The following CPQ variants were observed in gnomAD, a reference collection of about 807,000 sequenced individuals.
The protein encoded by CPQ is carboxypeptidase Q.
CPQ carries 37 observed loss-of-function variants against 45.7 expected under a neutral mutation model. The observed-to-expected ratio is 0.81, with a 90% CI of 0.62 to 1.07. The LOEUF (loss-of-function observed/expected upper bound fraction) is 1.07. Ranked by LOEUF, CPQ falls within the 50% of genes least tolerant of loss-of-function variation. The pLI, the probability that CPQ is intolerant of heterozygous loss-of-function variation, is 0.00. For missense variants in CPQ, 537 were observed against 572.9 expected, an observed-to-expected ratio of 0.94 and a Z score of 0.64; for synonymous variants, 186 against 205.8, an observed-to-expected ratio of 0.90 and a Z score of 0.82.
intron 7 of CPQ, among the ~76,000 whole-genome samples, chr8:97,121,132 T>G (rs1400475868): frequency 6.6e-6 from 1 of 152,232 alleles, no homozygotes; most frequent in Non-Finnish European, 1.5e-5. Context: ...AGTGCTGTAT[T>G]GACAAGTAAA....
At chr8:96,679,691 T>C (rs1249161887) in intron 1 of CPQ, among the ~76,000 whole-genome samples, 1 of 152,068 alleles carries the variant, frequency 6.6e-6, no homozygotes, top group Non-Finnish European at 1.5e-5. Context: ...GTTTTTCCAT[T>C]TGTTAAAATA....
chr8:96,964,015 G>GGAAATT (rs1813508724), intron 4 of CPQ, among the ~76,000 whole-genome samples: 3 of 150,460 alleles, frequency 2.0e-5, no homozygotes, highest in Middle Eastern at 3.4e-3. Flanking sequence ...CTATATTATT[G>GGAAATT]CTATGGAGTG....
chr8:96,878,696 G>T (rs142403804), intron 3 of CPQ, among the ~76,000 whole-genome samples: 1 of 152,304 alleles, frequency 6.6e-6, no homozygotes, highest in East Asian at 1.9e-4. Context: ...ATGCATCATT[G>T]TGTTTGTGCA....
intron 7 of CPQ, among the ~76,000 whole-genome samples, chr8:97,140,038 TAATC>T (rs1474477987): frequency 6.6e-5 from 10 of 151,014 alleles, no homozygotes; most frequent in African/African-American, 1.7e-4. Context: ...AAGACACTGA[TAATC>T]AACATCAAGA....
chr8:96,785,184 A>T lies in CPQ; in HGVS notation c.287A>T (p.Gln96Leu). ...KAIQIMYQNL[Q>L]QDGLEKVHLE... Reference sequence around the variant, plus strand: ...ATCCAAATTATGTACCAAAACCTGCAGCAAGATGGGCTGGAGAAAGTTCAC... The same window carrying T: ...ATCCAAATTATGTACCAAAACCTGCTGCAAGATGGGCTGGAGAAAGTTCAC... Residue 96 changes from glutamine to leucine, a missense_variant, in exon 2 of 8, where the codon CAG becomes CTG. Transcript: ENST00000220763. The T allele has an allele frequency of 6.2e-7, 1 of 1,613,684 alleles. No homozygotes were observed. Among genetic ancestry groups the T allele is most frequent in the Non-Finnish European group, 8.5e-7 (1 of 1,179,792 alleles).
chr8:96,782,864 T>G (rs1318941455), intron 1 of CPQ, among the ~76,000 whole-genome samples: 2 of 152,208 alleles, frequency 1.3e-5, no homozygotes, highest in Admixed American at 6.5e-5. Flanking sequence ...CCCTCAGGCA[T>G]GGACACACTT....
intron 6 of CPQ, among the ~76,000 whole-genome samples, chr8:97,034,782 T>C (rs1034073817): frequency 2.0e-5 from 3 of 152,196 alleles, no homozygotes; most frequent in Admixed American, 2.0e-4. Flanking sequence ...TTAAACTTCA[T>C]ATAAATGGAA....
At chr8:96,837,806 A>G (rs1406623830) in intron 3 of CPQ, among the ~76,000 whole-genome samples, 1 of 152,042 alleles carries the variant, frequency 6.6e-6, no homozygotes, top group African/African-American at 2.4e-5. Flanking sequence ...TCATCTTCTA[A>G]GTCACATGGT....
chr8:96,870,509 A>AT, intron 3 of CPQ, among the ~76,000 whole-genome samples: 1 of 152,102 alleles, frequency 6.6e-6, no homozygotes, highest in South Asian at 2.1e-4. Context: ...GATAGATTCT[A>AT]TAGAGGTTAA....
intron 4 of CPQ, among the ~76,000 whole-genome samples, chr8:96,957,812 A>G (rs565317286): frequency 6.6e-6 from 1 of 151,796 alleles, no homozygotes; most frequent in East Asian, 1.9e-4. Context: ...AAAACAAAAA[A>G]AAAAAAGTCT....
chr8:96,822,647 A>T (rs944625864), intron 2 of CPQ, among the ~76,000 whole-genome samples: 2 of 151,862 alleles, frequency 1.3e-5, no homozygotes, highest in African/African-American at 4.8e-5. Flanking sequence ...CCTTTTTGTC[A>T]GATTTTGTCT....
chr8:96,716,058 A>G (rs1489340665), intron 1 of CPQ, among the ~76,000 whole-genome samples: 3 of 152,222 alleles, frequency 2.0e-5, no homozygotes, highest in Non-Finnish European at 4.4e-5. Context: ...TGGCTGTAGT[A>G]GTAATGAACT....
chr8:96,888,426 A>G (rs1812330899), intron 4 of CPQ, among the ~76,000 whole-genome samples: 1 of 152,194 alleles, frequency 6.6e-6, no homozygotes, highest in South Asian at 2.1e-4. Context: ...ATACTGAAAG[A>G]TGAAAAAAAA....
chr8:97,097,521 AG>A (rs1012295549), intron 7 of CPQ, among the ~76,000 whole-genome samples: 1 of 152,216 alleles, frequency 6.6e-6, no homozygotes, highest in African/African-American at 2.4e-5. Flanking sequence ...AGAAGCTTAA[AG>A]GTCCCTATAA....
intron 2 of CPQ, among the ~76,000 whole-genome samples, chr8:96,794,519 C>A (rs1446062598): frequency 6.6e-6 from 1 of 152,232 alleles, no homozygotes; most frequent in Non-Finnish European, 1.5e-5. Flanking sequence ...AGACCTCTGA[C>A]ATGCCCTGGA....
At chr8:97,137,726 G>A (rs1812086157) in intron 7 of CPQ, among the ~76,000 whole-genome samples, 1 of 152,166 alleles carries the variant, frequency 6.6e-6, no homozygotes, top group Non-Finnish European at 1.5e-5. Flanking sequence ...TCAGGAAATC[G>A]AGACCATCGT....
intron 5 of CPQ, among the ~76,000 whole-genome samples, chr8:96,982,326 A>G (rs183957681): frequency 8.3e-4 from 127 of 152,278 alleles, no homozygotes; most frequent in African/African-American, 2.9e-3. Context: ...AGTAGAGTCA[A>G]ATAAGATTTC....
At chr8:97,070,873 G>A (rs1810728895) in intron 7 of CPQ, among the ~76,000 whole-genome samples, 1 of 152,144 alleles carries the variant, frequency 6.6e-6, no homozygotes, top group Non-Finnish European at 1.5e-5. Flanking sequence ...GATGAAAGGA[G>A]TCTATTTCAT....
intron 1 of CPQ, among the ~76,000 whole-genome samples, chr8:96,718,416 G>C (rs945589506): frequency 2.0e-5 from 3 of 152,066 alleles, no homozygotes; most frequent in African/African-American, 7.2e-5. Flanking sequence ...AGACCTTCGC[G>C]GTGAGTGTTA....
Sources: allele counts gnomAD v4.1 joint callset (sites outside exome capture counted in the v4.1 genomes callset), GRCh38; gene constraint gnomAD v4.1.1; transcripts MANE v1.5; gene names NCBI Gene and HGNC (gene_info 2026-07-23, HGNC 2026-07-21).